SORCS2: variants seen among roughly 807,000 people sequenced by gnomAD.
SORCS2 encodes the protein VPS10 domain-containing receptor SorCS2.
A neutral mutation model predicts 141.6 loss-of-function variants in SORCS2; 100 were observed. The ratio of observed to expected loss-of-function variants is 0.71; its 90% CI spans 0.60 to 0.83. The LOEUF is 0.83. Among genes scored for constraint, SORCS2 ranks in the 40% least tolerant of loss-of-function variants. SORCS2 has a pLI of 0.00. For synonymous variants in SORCS2, 789 were observed against 676.9 expected, an observed-to-expected ratio of 1.17 and a Z score of -2.57; for missense variants, 1,646 against 1,560.2, an observed-to-expected ratio of 1.05 and a Z score of -0.93.
At chr4:7,655,537 A>C (rs1721709663) in intron 5 of SORCS2, among the ~76,000 whole-genome samples, 1 of 152,202 alleles carries the variant, frequency 6.6e-6, no homozygotes, top group African/African-American at 2.4e-5. Flanking sequence ...CGTCCTGGCC[A>C]CCCCACAGGC....
In SORCS2 at chr4:7,614,796, C is replaced by G. The variant is rs528175814; in HGVS notation, c.649-23532C>G. On this transcript the variant is annotated intron_variant, in intron 3 of 26. Coordinates refer to ENST00000507866, the MANE Select transcript of SORCS2 (RefSeq NM_020777.3). ...CATCATTCACCCATAATCCATTCAT[C>G]CATCCACCTATCCACCAACCACCAT... Among the ~76,000 whole-genome samples, 8 of 152,036 alleles carry G rather than the reference C, an allele frequency of 5.3e-5. No individual in the cohort carries two copies. In the South Asian group the frequency reaches 8.3e-4, roughly 16 times the overall value.
intron 3 of SORCS2, among the ~76,000 whole-genome samples, chr4:7,550,981 G>A (rs1432933337): frequency 6.6e-6 from 1 of 152,126 alleles, no homozygotes; most frequent in Non-Finnish European, 1.5e-5. Context: ...TCATTTCAAA[G>A]CCAGGCTTGG....
chr4:7,681,282 A>G (rs78775121), intron 9 of SORCS2, among the ~76,000 whole-genome samples: 9,150 of 152,298 alleles, frequency 0.06, 407 homozygotes, highest in African/African-American at 0.11. Flanking sequence ...AAGGCTGCTC[A>G]TCAGCAGACA....
At chr4:7,335,873 G>A (rs2108977155) in intron 1 of SORCS2, among the ~76,000 whole-genome samples, 1 of 152,352 alleles carries the variant, frequency 6.6e-6, no homozygotes, top group South Asian at 2.1e-4. Flanking sequence ...GGTGAGGCCT[G>A]GAGACCCAAG....
At chr4:7,592,122 G>A (rs1176261602) in intron 3 of SORCS2, among the ~76,000 whole-genome samples, 1 of 152,196 alleles carries the variant, frequency 6.6e-6, no homozygotes, top group Non-Finnish European at 1.5e-5. Flanking sequence ...TACGCTTCGA[G>A]TTTGGCTCTC....
intron 2 of SORCS2, among the ~76,000 whole-genome samples, chr4:7,408,729 G>A (rs959537646): frequency 4.6e-5 from 7 of 152,112 alleles, no homozygotes; most frequent in African/African-American, 1.2e-4. Flanking sequence ...CCTGAACACC[G>A]ATAATTCTTA....
Position 7,371,947 on chromosome 4 carries a change from G to A in SORCS2, c.481-24341G>A, listed in dbSNP as rs778018107. Among the ~76,000 whole-genome samples the A allele has an allele frequency of 3.3e-5, 5 of 152,338 alleles. No individual in the cohort carries two copies. The East Asian group carries it at 5.8e-4, about 18-fold the overall frequency. On this transcript the variant is annotated intron_variant, in intron 1 of 26. Transcript: ENST00000507866. ...CTGTGTTGGCTCTGGCAGGAAGCTC[G>A]TGGGGCCGGTGGGGGAGTGAGGGAA...
chr4:7,252,375 G>A (rs1713564463), intron 1 of SORCS2, among the ~76,000 whole-genome samples: 1 of 152,188 alleles, frequency 6.6e-6, no homozygotes. Flanking sequence ...AGAGCTCAGG[G>A]GCCGGCAGTG....
chr4:7,408,647 C>T (rs377571893), intron 2 of SORCS2, among the ~76,000 whole-genome samples: 2 of 152,160 alleles, frequency 1.3e-5, no homozygotes, highest in South Asian at 2.1e-4. Context: ...ATATCTTTTT[C>T]AAGTTTTGGA....
intron 6 of SORCS2, among the ~76,000 whole-genome samples, chr4:7,662,767 G>T (rs1292288008): frequency 6.6e-6 from 1 of 152,172 alleles, no homozygotes; most frequent in Non-Finnish European, 1.5e-5. Flanking sequence ...CATCTAGGTG[G>T]CTCCTGCATG....
At chr4:7,531,215 G>A (rs1463196647) in intron 2 of SORCS2, among the ~76,000 whole-genome samples, 1 of 152,208 alleles carries the variant, frequency 6.6e-6, no homozygotes, top group Non-Finnish European at 1.5e-5. Flanking sequence ...TGGTAACCTA[G>A]AGCTGCCCGG....
chr4:7,686,108 T>G (rs1577073535), intron 10 of SORCS2, among the ~76,000 whole-genome samples: 1 of 152,210 alleles, frequency 6.6e-6, no homozygotes, highest in East Asian at 1.9e-4. Context: ...TCACAAATCT[T>G]TGCTCAGGCC....
intron 2 of SORCS2, among the ~76,000 whole-genome samples, chr4:7,397,937 C>A (rs1724321474): frequency 6.6e-6 from 1 of 152,334 alleles, no homozygotes; most frequent in East Asian, 1.9e-4. Flanking sequence ...GGCTGCAGTC[C>A]TCCTTGGCAT....
chr4:7,409,078 TCTTA>T (rs1490760431), intron 2 of SORCS2, among the ~76,000 whole-genome samples: 8 of 152,380 alleles, frequency 5.3e-5, no homozygotes, highest in Non-Finnish European at 8.8e-5. Flanking sequence ...GTTACTGGTT[TCTTA>T]CTTTGTCCAT....
intron 2 of SORCS2, among the ~76,000 whole-genome samples, chr4:7,494,140 G>A (rs953633407): frequency 3.9e-5 from 6 of 152,150 alleles, no homozygotes; most frequent in African/African-American, 9.7e-5. Flanking sequence ...ATCTTATTCC[G>A]AATATAGTTC....
At chr4:7,330,077 G>A (rs1225366589) in intron 1 of SORCS2, among the ~76,000 whole-genome samples, 3 of 151,712 alleles carry the variant, frequency 2.0e-5, no homozygotes, top group Admixed American at 6.6e-5. Flanking sequence ...GGGGCCACCC[G>A]CATTCCAACC....
rs1013656184 is a variant in SORCS2, at chr4:7,222,018, T to A, written c.480+28892T>A. ...GCTATGGAGAAAATGGAGCAAGTGA[T>A]GACCCACCCGGGCCAGGGTGGATGG... is the stretch of plus-strand genomic sequence containing the variant. On this transcript the variant is annotated intron_variant, in intron 1 of 26. Transcript: ENST00000507866. Among the ~76,000 whole-genome samples, 14 of 152,184 alleles carry A rather than the reference T, an allele frequency of 9.2e-5. 1 individual carries two copies. The highest frequency in any genetic ancestry group is 2.4e-4 in the African/African-American group (10 of 41,498).
intron 1 of SORCS2, among the ~76,000 whole-genome samples, chr4:7,345,240 C>A (rs1193422597): frequency 6.6e-6 from 1 of 152,222 alleles, no homozygotes; most frequent in Non-Finnish European, 1.5e-5. Context: ...AATCTTAAAA[C>A]TTCTTAATGT....
chr4:7,192,639 T>A lies in SORCS2; in HGVS notation c.-8T>A. On this transcript the variant is annotated 5_prime_UTR_variant, in exon 1 of 27. Transcript: ENST00000507866. The surrounding 1 kb of genome is among the most constrained non-coding windows in gnomAD (Gnocchi z 4.0). ...CCGCCGCCGGCTCCGCTGCCGCCCC[T>A]GGCGACCATGGCGCACCGGGGGCCC... is the stretch of plus-strand genomic sequence containing the variant. The A allele has an allele frequency of 2.0e-6, 2 of 986,830 alleles. No individual in the cohort carries two copies. The highest frequency in any genetic ancestry group is 2.4e-6 in the Non-Finnish European group (2 of 832,052). 61.1% of individuals were successfully genotyped at this position (986,830 alleles called of 1,614,324 possible).
Sources: gnomAD v4.1 joint callset for allele counts (sites outside exome capture counted in the v4.1 genomes callset) on GRCh38, gnomAD v4.1.1 for gene constraint, Gnocchi (gnomAD v3.1) non-coding constraint, MANE v1.5 for transcripts, NCBI Gene and HGNC (gene_info 2026-07-23, HGNC 2026-07-21) for gene names.